The following RAP1GDS1 variants were observed in gnomAD, a reference collection of about 807,000 sequenced individuals.
RAP1GDS1 encodes the protein Rap1 GTPase-GDP dissociation stimulator 1.
A neutral mutation model predicts 71.1 loss-of-function variants in RAP1GDS1; 35 were observed. The observed-to-expected ratio is 0.49, with a 90% confidence interval of 0.38 to 0.65. RAP1GDS1 has a LOEUF of 0.65. RAP1GDS1 is among the 30% of genes least tolerant of loss of function. RAP1GDS1 has a pLI of 0.00. For synonymous variants in RAP1GDS1, 229 were observed against 243.1 expected (o/e 0.94, Z 0.54); for missense variants, 663 against 706.1 (o/e 0.94, Z 0.69).
At chr4:98,393,458 T>G (rs1744034827) in intron 6 of RAP1GDS1, among the ~76,000 whole-genome samples, 1 of 151,344 alleles carries the variant, frequency 6.6e-6, no homozygotes, top group Non-Finnish European at 1.5e-5. Context: ...TTTGACAAAG[T>G]TATTCTTTTC....
Position 98,399,745 on chromosome 4 carries a change from A to G in RAP1GDS1, c.638-4732A>G, listed in dbSNP as rs116528034. Among the ~76,000 whole-genome samples, 1,382 of 152,312 alleles carry G rather than the reference A, an allele frequency of 9.1e-3. 25 individuals carry two copies. Among genetic ancestry groups the G allele is most frequent in the African/African-American group, 0.031 (1,290 of 41,574 alleles). On this transcript the variant is annotated intron_variant, in intron 6 of 14. Transcript: ENST00000408927. ...CCACAATGACATATTATCTCACCCC[A>G]GTTAGGATGGCTATTATTAAAAAGA...
At chr4:98,303,852 T>A (rs1235789936) in intron 2 of RAP1GDS1, among the ~76,000 whole-genome samples, 4 of 151,964 alleles carry the variant, frequency 2.6e-5, no homozygotes, top group Non-Finnish European at 5.9e-5. Context: ...ATGCTCTCCC[T>A]CCCCATAACC....
At chr4:98,420,291 C>T (rs993663068) in intron 11 of RAP1GDS1, 147 bp downstream of exon 11, 1 of 550,162 alleles carries the variant, frequency 1.8e-6, no homozygotes, top group Non-Finnish European at 2.7e-6. Flanking sequence ...TTTGGAACTC[C>T]ATTTGTTAAT....
intron 3 of RAP1GDS1, among the ~76,000 whole-genome samples, chr4:98,347,247 C>T (rs990511764): frequency 2.0e-5 from 3 of 152,182 alleles, no homozygotes; most frequent in Non-Finnish European, 1.5e-5. Context: ...TAATTTTCAT[C>T]ACAGCCTGTA....
chr4:98,341,072 G>A (rs549972856), intron 2 of RAP1GDS1, among the ~76,000 whole-genome samples: 1 of 152,258 alleles, frequency 6.6e-6, no homozygotes, highest in African/African-American at 2.4e-5. Context: ...TTATTGGACA[G>A]TGGTGTTTGA....
intron 2 of RAP1GDS1, among the ~76,000 whole-genome samples, chr4:98,308,945 A>G (rs555150025): frequency 4.6e-5 from 7 of 152,238 alleles, no homozygotes; most frequent in African/African-American, 1.4e-4. Context: ...TACACTTACA[A>G]GGTCGTATTA....
chr4:98,311,050 T>G (rs1247588123), intron 2 of RAP1GDS1, among the ~76,000 whole-genome samples: 2 of 152,150 alleles, frequency 1.3e-5, no homozygotes, highest in Non-Finnish European at 2.9e-5. Flanking sequence ...TTCAGTAGTT[T>G]TGGGGTGGGG....
At chr4:98,351,149 A>T (rs1388853118) in intron 3 of RAP1GDS1, among the ~76,000 whole-genome samples, 2 of 152,230 alleles carry the variant, frequency 1.3e-5, no homozygotes, top group Non-Finnish European at 2.9e-5. Flanking sequence ...TTTTCTTAAC[A>T]TGAGTAGTAG....
At chr4:98,405,964 A>G (rs1450400720) in intron 7 of RAP1GDS1, among the ~76,000 whole-genome samples, 1 of 152,102 alleles carries the variant, frequency 6.6e-6, no homozygotes. Context: ...AAGAAAGGTA[A>G]AAGGAGTTAG....
rs577944749 is a variant in RAP1GDS1, at chr4:98,434,335, C to T, written c.1567+273C>T. On this transcript the variant is annotated intron_variant, in intron 13 of 14. Transcript: ENST00000408927. The stretch of plus-strand genomic sequence containing the variant: ...ACAGCCACTTAGAGAATAGAGAAAA[C>T]GTTTTCAGCAGGCTTCACAGAGAAA... Among the ~76,000 whole-genome samples, 9 of 152,170 alleles carry T rather than the reference C, an allele frequency of 5.9e-5. No homozygotes were observed. In the South Asian group the frequency reaches 8.3e-4, roughly 14 times the overall value.
chr4:98,433,691 TG>T (rs576056022), intron 12 of RAP1GDS1, among the ~76,000 whole-genome samples: 2 of 152,230 alleles, frequency 1.3e-5, no homozygotes, highest in Non-Finnish European at 2.9e-5. Context: ...CTAAGCCTTC[TG>T]TTTTTTAATA....
At chr4:98,396,983 A>G (rs1291756741) in intron 6 of RAP1GDS1, 2 of 152,198 alleles carry the variant, frequency 1.3e-5, no homozygotes, top group Non-Finnish European at 1.5e-5. Context: ...AACAAGTGCA[A>G]TCTATTTCAG....
chr4:98,442,699 T>C lies in RAP1GDS1; in HGVS notation c.*582T>C, dbSNP rs1752023030. 4.4e-6 allele frequency: 1 copy of C among 227,642 alleles called. No homozygotes were observed. Among genetic ancestry groups the C allele is most frequent in the South Asian group, 1.8e-4 (1 of 5,490 alleles). 14.1% of individuals were successfully genotyped at this position (227,642 alleles called of 1,614,324 possible). A position where few individuals can be genotyped will look rare whatever the true frequency, so the allele number is the denominator to read the frequency against. On this transcript the variant is annotated 3_prime_UTR_variant, in exon 15 of 15. Coordinates refer to ENST00000408927, the MANE Select transcript of RAP1GDS1 (RefSeq NM_001100427.2). ...TTTCTCCTTTTTCCTTTTTAGACTA[T>C]TGAAACTGCCACAAACTTGGCAAGA...
intron 1 of RAP1GDS1, among the ~76,000 whole-genome samples, chr4:98,271,563 A>G (rs1723462434): frequency 1.3e-5 from 2 of 152,130 alleles, no homozygotes; most frequent in South Asian, 4.1e-4. Context: ...ATAATAGTAA[A>G]ATGTAAAGTA....
At chr4:98,292,114 A>G (rs1482066228) in intron 1 of RAP1GDS1, among the ~76,000 whole-genome samples, 2 of 150,670 alleles carry the variant, frequency 1.3e-5, no homozygotes, top group Admixed American at 1.3e-4. Context: ...CACATTATGG[A>G]GATTTTTTTT....
chr4:98,268,004 A>G (rs914577136), intron 1 of RAP1GDS1, among the ~76,000 whole-genome samples: 26 of 152,136 alleles, frequency 1.7e-4, no homozygotes, highest in Non-Finnish European at 3.2e-4. Flanking sequence ...GCCTTACAGC[A>G]TCTGTTTTTT....
rs374353342 is a variant in RAP1GDS1, at chr4:98,417,367, A to G, written c.908A>G (p.Asp303Gly). The G allele has an allele frequency of 1.2e-6, 2 of 1,610,372 alleles. No homozygotes were observed. The highest frequency in any genetic ancestry group is 1.3e-5 in the African/African-American group (1 of 74,920). ...AACTATTCGTTTCATTTACCTCCAG[A>G]TGAATCCATGCAGAAGTTATTTGAA... Reference protein sequence around the residue: ...SDLMVLLLLGDESMQKLFEGG... With the variant: ...SDLMVLLLLGGESMQKLFEGG... The change falls in exon 9 of 15, where the codon GAT becomes GGT. Residue 303 changes from aspartate (D) to glycine (G), a missense_variant and splice_region_variant. Coordinates refer to ENST00000408927, the MANE Select transcript of RAP1GDS1 (RefSeq NM_001100427.2).
chr4:98,379,749 G>A (rs1404055256), intron 5 of RAP1GDS1, among the ~76,000 whole-genome samples: 1 of 151,794 alleles, frequency 6.6e-6, no homozygotes, highest in East Asian at 1.9e-4. Context: ...TTAATTAAAT[G>A]CATATAAATC....
chr4:98,267,734 A>T (rs976120181), intron 1 of RAP1GDS1, among the ~76,000 whole-genome samples: 1 of 151,950 alleles, frequency 6.6e-6, no homozygotes, highest in Non-Finnish European at 1.5e-5. Context: ...CATTTTCTTT[A>T]TCCAATCCAC....
Sources: gnomAD v4.1 joint callset for allele counts (sites outside exome capture counted in the v4.1 genomes callset) on GRCh38, gnomAD v4.1.1 for gene constraint, MANE v1.5 for transcripts, NCBI Gene and HGNC (gene_info 2026-07-23, HGNC 2026-07-21) for gene names.